The following NDRG1 variants were observed in gnomAD, a reference collection of about 807,000 sequenced individuals.
NDRG1 encodes the protein N-myc downstream regulated 1.
In NDRG1, 32 loss-of-function variants were observed where a neutral mutation model predicts 56.9. The observed-to-expected ratio is 0.56, with a 90% confidence interval of 0.42 to 0.76. NDRG1 has a LOEUF of 0.76. Among genes scored for constraint, NDRG1 ranks in the 30% least tolerant of loss-of-function variants. NDRG1 has a pLI of 0.00. For missense variants in NDRG1, 507 were observed against 545.7 expected (o/e 0.93, Z 0.71); for synonymous variants, 211 against 204.1 (o/e 1.03, Z -0.29).
intron 1 of NDRG1, among the ~76,000 whole-genome samples, chr8:133,290,704 T>C (rs1380233441): frequency 6.6e-6 from 1 of 152,230 alleles, no homozygotes; most frequent in African/African-American, 2.4e-5. Flanking sequence ...CAGTCACCAC[T>C]GAGCCATCAT....
Position 133,284,331 on chromosome 8 carries a change from T to C in NDRG1, c.-18-2A>G, listed in dbSNP as rs769173070. 1 of 1,611,326 alleles carries C rather than the reference T, an allele frequency of 6.2e-7. No homozygotes were observed. The highest frequency in any genetic ancestry group is 8.5e-7 in the Non-Finnish European group (1 of 1,179,908). On this transcript the variant is annotated splice_acceptor_variant, in intron 1 of 15. Coordinates refer to ENST00000323851, the MANE Select transcript of NDRG1 (RefSeq NM_006096.4). LOFTEE classifies it low-confidence loss of function (5UTR_SPLICE). ...AGACATGTCCCTGCTGTCACCTGCC[T>C]GCAAGGAGACAAAGGCCAAAAGGTC...
chr8:133,262,219 A>T, intron 4 of NDRG1, 52 bp from the exon 5 acceptor site: 2 of 1,608,548 alleles, frequency 1.2e-6, no homozygotes, highest in Non-Finnish European at 1.7e-6. Flanking sequence ...TGAGAAAAAA[A>T]TTAGGTGTCT....
chr8:133,239,451 T>C (rs778491213), intron 15 of NDRG1: 19 of 499,230 alleles, frequency 3.8e-5, no homozygotes, highest in Non-Finnish European at 6.6e-5. Flanking sequence ...AAAGCAAGTA[T>C]GTTAAATACT....
At chr8:133,252,776 A>G (rs1856138198) in intron 9 of NDRG1, among the ~76,000 whole-genome samples, 1 of 150,460 alleles carries the variant, frequency 6.6e-6, no homozygotes, top group African/African-American at 2.5e-5. Context: ...CACCAGCTCC[A>G]GAGTGGAGGC....
intron 3 of NDRG1, among the ~76,000 whole-genome samples, chr8:133,270,114 A>G (rs1048551131): frequency 2.0e-5 from 3 of 152,270 alleles, no homozygotes; most frequent in Non-Finnish European, 4.4e-5. Flanking sequence ...TCCCAGAGGG[A>G]AAGGCTGGCT....
chr8:133,250,741 G>T (rs761651825), intron 9 of NDRG1, among the ~76,000 whole-genome samples, 198 bp from the exon 10 acceptor site: 2 of 151,816 alleles, frequency 1.3e-5, no homozygotes, highest in Non-Finnish European at 2.9e-5. Flanking sequence ...TTCACTATCC[G>T]CTGGGAGCAG....
At chr8:133,245,868 C>A (rs916914789) in intron 13 of NDRG1, among the ~76,000 whole-genome samples, 1 of 152,190 alleles carries the variant, frequency 6.6e-6, no homozygotes, top group African/African-American at 2.4e-5. Flanking sequence ...TACAGGAAAA[C>A]AGCCTCCCAC....
intron 3 of NDRG1, among the ~76,000 whole-genome samples, chr8:133,276,263 C>G (rs1304890107): frequency 6.6e-6 from 1 of 152,142 alleles, no homozygotes; most frequent in Admixed American, 6.5e-5. Flanking sequence ...AGGTCAGTTG[C>G]CTGTGTCCTG....
chr8:133,296,645 C>T, intron 1 of NDRG1: 1 of 429,522 alleles, frequency 2.3e-6, no homozygotes, highest in Non-Finnish European at 4.7e-6. Context: ...TCACCTCTAC[C>T]AACCCCTCAT....
intron 1 of NDRG1, among the ~76,000 whole-genome samples, chr8:133,292,392 C>G (rs1810346906): frequency 6.6e-6 from 1 of 152,184 alleles, no homozygotes; most frequent in South Asian, 2.1e-4. Flanking sequence ...CTTCCTTAAT[C>G]AGTGGAGATG....
chr8:133,250,678 TAA>T, intron 9 of NDRG1, 135 bp from the exon 10 acceptor site: 3 of 645,020 alleles, frequency 4.7e-6, no homozygotes, highest in East Asian at 6.5e-5. Flanking sequence ...GCGACGGACC[TAA>T]AAAAAAAACC....
intron 15 of NDRG1, chr8:133,241,564 C>G (rs1394643037): frequency 9.1e-6 from 2 of 220,740 alleles, no homozygotes; most frequent in African/African-American, 4.5e-5. Context: ...AGCTTCATCA[C>G]TGATAAGATG....
chr8:133,292,924 G>A (rs1036065314), intron 1 of NDRG1, among the ~76,000 whole-genome samples: 1 of 152,220 alleles, frequency 6.6e-6, no homozygotes, highest in African/African-American at 2.4e-5. Flanking sequence ...GGTCAGAGAT[G>A]GAGCCCAGGC....
At chr8:133,258,549 C>T (rs1856499273) in intron 6 of NDRG1, 123 bp from the exon 7 acceptor site, 1 of 908,380 alleles carries the variant, frequency 1.1e-6, no homozygotes, top group Admixed American at 2.0e-5. Context: ...GCTGCCGTAA[C>T]TGCCTGCACA....
In NDRG1 at chr8:133,276,424, T is replaced by C. The variant is rs529148207; in HGVS notation, c.99+3808A>G. ...AATCCAAAATAACCATATGATCCAG[T>C]GATAGGGTTTGGCTGTGTCCCCACC... On this transcript the variant is annotated intron_variant, in intron 3 of 15. Transcript: ENST00000323851. Among the ~76,000 whole-genome samples the C allele has an allele frequency of 9.2e-5, 14 of 152,356 alleles. No individual in the cohort carries two copies. In the East Asian group the frequency reaches 2.7e-3, roughly 29 times the overall value.
intron 2 of NDRG1, among the ~76,000 whole-genome samples, chr8:133,282,707 T>C (rs1364419686): frequency 6.6e-6 from 1 of 152,256 alleles, no homozygotes; most frequent in Non-Finnish European, 1.5e-5. Context: ...ATTAAGTACA[T>C]TCACTTGTAT....
chr8:133,262,123 C>G lies in NDRG1; in HGVS notation c.250G>C (p.Glu84Gln). 6.2e-7 allele frequency: 1 copy of G among 1,614,104 alleles called. No homozygotes were observed. The highest frequency in any genetic ancestry group is 1.1e-5 in the South Asian group (1 of 91,084). Reference sequence around the variant, plus strand: ...CAGACGGCAAAGTGCTGGGTGATCTCCTGCATGTCCTCGTAGTTGAAGAGG... The same window carrying G: ...CAGACGGCAAAGTGCTGGGTGATCTGCTGCATGTCCTCGTAGTTGAAGAGG... ...NPLFNYEDMQ[E>Q]ITQHFAVCHV... is the part of the protein sequence containing the mutation. Residue 84 changes from glutamate to glutamine, a missense_variant, in exon 5 of 16, where the codon GAG becomes CAG. Transcript: ENST00000323851.
chr8:133,282,033 T>C (rs1165965180), intron 2 of NDRG1, among the ~76,000 whole-genome samples: 3 of 152,158 alleles, frequency 2.0e-5, no homozygotes, highest in African/African-American at 7.2e-5. Context: ...ATCTAAGGAA[T>C]TGAAAGAAAT....
rs184609198 is a variant in NDRG1 at position 133,265,239 on chromosome 8, T to C, written c.100-587A>G. Among the ~76,000 whole-genome samples the C allele has an allele frequency of 2.9e-3, 445 of 152,314 alleles. 5 individuals carry two copies. Among genetic ancestry groups the C allele is most frequent in the African/African-American group, 9.9e-3 (411 of 41,574 alleles). ...AAGGACTGGATCAGGAAAGAACACATGGGTTGGCTCAGGCCAACTAAAGCC... is the reference window on the plus strand; with the variant it reads ...AAGGACTGGATCAGGAAAGAACACACGGGTTGGCTCAGGCCAACTAAAGCC... On this transcript the variant is annotated intron_variant, in intron 3 of 15. Coordinates refer to ENST00000323851, the MANE Select transcript of NDRG1 (RefSeq NM_006096.4).
Sources: gnomAD v4.1 joint callset for allele counts (sites outside exome capture counted in the v4.1 genomes callset) on GRCh38, gnomAD v4.1.1 for gene constraint, MANE v1.5 for transcripts, NCBI Gene and HGNC (gene_info 2026-07-23, HGNC 2026-07-21) for gene names.